C20orf203: variants seen among roughly 807,000 people sequenced by gnomAD.
The protein encoded by C20orf203 is chromosome 20 open reading frame 203.
C20orf203 carries 16 observed loss-of-function variants against 15.9 expected under a neutral mutation model. The ratio of observed to expected loss-of-function variants is 1.01; its 90% CI spans 0.68 to 1.53. The LOEUF (loss-of-function observed/expected upper bound fraction) is 1.53. Ranked by LOEUF, C20orf203 falls within the 40% of genes most tolerant of loss-of-function variation. The pLI, the probability that C20orf203 is intolerant of heterozygous loss-of-function variation, is 0.00. For synonymous variants in C20orf203, 98 were observed against 97.2 expected (o/e 1.01, Z -0.05); for missense variants, 263 against 247.5 (o/e 1.06, Z -0.42).
intron 5 of C20orf203, among the ~76,000 whole-genome samples, chr20:32,636,317 C>G (rs982499485): frequency 6.6e-6 from 1 of 152,184 alleles, no homozygotes; most frequent in Non-Finnish European, 1.5e-5. Context: ...TGCTTTTTCT[C>G]TCTCTCTTTG....
At chr20:32,662,298 A>G (rs1314060402) in intron 1 of C20orf203, among the ~76,000 whole-genome samples, 1 of 152,166 alleles carries the variant, frequency 6.6e-6, no homozygotes, top group Non-Finnish European at 1.5e-5. Flanking sequence ...GGAGCTATAG[A>G]GTTAAAAATA....
At chr20:32,648,533 C>T (rs1206141085) in intron 4 of C20orf203, among the ~76,000 whole-genome samples, 2 of 149,776 alleles carry the variant, frequency 1.3e-5, no homozygotes, top group Non-Finnish European at 3.0e-5. Context: ...CTCCGCCTCC[C>T]AGGTTCACGC....
intron 5 of C20orf203, among the ~76,000 whole-genome samples, chr20:32,639,565 C>T (rs1278496536): frequency 6.7e-6 from 1 of 149,148 alleles, no homozygotes; most frequent in African/African-American, 2.5e-5. Context: ...CGCTTGAGCA[C>T]AGGAGTTTGA....
chr20:32,634,268 A>C lies in C20orf203; in HGVS notation c.*1302T>G. ...AGCTTCCTGGAGAAGGTTATGCTGGAGTCTGGAAAGATAAGAAAGAATTAG... is the reference window on the plus strand; with the variant it reads ...AGCTTCCTGGAGAAGGTTATGCTGGCGTCTGGAAAGATAAGAAAGAATTAG... On this transcript the variant is annotated splice_region_variant and 3_prime_UTR_variant, in exon 6 of 6. Coordinates refer to ENST00000608990, the MANE Select transcript of C20orf203 (RefSeq NM_182584.4). 1 of 398,506 alleles carries C rather than the reference A, an allele frequency of 2.5e-6. No homozygotes were observed. Among genetic ancestry groups the C allele is most frequent in the Non-Finnish European group, 4.4e-6 (1 of 226,070 alleles). 24.7% of individuals were successfully genotyped at this position (398,506 alleles called of 1,614,324 possible). A position where few individuals can be genotyped will look rare whatever the true frequency, so the allele number is the denominator to read the frequency against.
At chr20:32,657,208 G>A (rs1982780937) in intron 1 of C20orf203, 1 of 152,324 alleles carries the variant, frequency 6.6e-6, no homozygotes. Flanking sequence ...AATTAGCTGA[G>A]GCTGGCCATG....
chr20:32,653,491 T>C (rs1339151842), intron 1 of C20orf203, among the ~76,000 whole-genome samples: 1 of 152,138 alleles, frequency 6.6e-6, no homozygotes, highest in East Asian at 1.9e-4. Context: ...CTGGGGTTAC[T>C]GTGTTGGCAA....
intron 5 of C20orf203, among the ~76,000 whole-genome samples, chr20:32,640,236 A>C (rs1486742516): frequency 1.3e-5 from 2 of 152,240 alleles, no homozygotes; most frequent in Non-Finnish European, 2.9e-5. Context: ...GGGCCTTACA[A>C]TTCTTTTCTT....
intron 4 of C20orf203, among the ~76,000 whole-genome samples, chr20:32,646,832 C>G (rs1180609356): frequency 2.0e-5 from 3 of 152,204 alleles, no homozygotes; most frequent in Non-Finnish European, 4.4e-5. Context: ...AGCCAGAGGC[C>G]CCATGCATGC....
intron 1 of C20orf203, among the ~76,000 whole-genome samples, chr20:32,672,346 T>A (rs577540922): frequency 6.7e-6 from 1 of 149,566 alleles, no homozygotes; most frequent in East Asian, 1.9e-4. Context: ...CTCAAAAAAA[T>A]AAAATAAAAT....
chr20:32,672,074 CG>C (rs1983183644), intron 1 of C20orf203, among the ~76,000 whole-genome samples: 1 of 151,706 alleles, frequency 6.6e-6, no homozygotes, highest in Admixed American at 6.6e-5. Context: ...CCCAGCACTC[CG>C]GGAGGCCAAG....
At chr20:32,660,221 C>T (rs1982860028) in intron 1 of C20orf203, among the ~76,000 whole-genome samples, 1 of 152,162 alleles carries the variant, frequency 6.6e-6, no homozygotes, top group Admixed American at 6.5e-5. Flanking sequence ...GGGGGCAGCT[C>T]TCCAGAGGAT....
chr20:32,635,429 G>A (rs1349444163), intron 5 of C20orf203, among the ~76,000 whole-genome samples: 1 of 150,068 alleles, frequency 6.7e-6, no homozygotes, highest in African/African-American at 2.5e-5. Flanking sequence ...CCGGGAGATG[G>A]AGGTTGCAGA....
chr20:32,658,671 G>GA (rs1210400192), intron 1 of C20orf203, among the ~76,000 whole-genome samples: 2 of 152,086 alleles, frequency 1.3e-5, no homozygotes. Flanking sequence ...TCTACAGACA[G>GA]AAAAAACAAT....
chr20:32,641,147 T>A (rs755115640), intron 4 of C20orf203, among the ~76,000 whole-genome samples: 33 of 152,022 alleles, frequency 2.2e-4, no homozygotes, highest in Non-Finnish European at 4.4e-4. Context: ...AGTGAGACCC[T>A]GTCTCTACAA....
chr20:32,673,089 C>G (rs1283527450), intron 1 of C20orf203, among the ~76,000 whole-genome samples: 1 of 152,144 alleles, frequency 6.6e-6, no homozygotes, highest in Non-Finnish European at 1.5e-5. Flanking sequence ...CTGGGCATCT[C>G]TCTGTGTCCC....
chr20:32,644,274 C>A (rs755027763), intron 4 of C20orf203, among the ~76,000 whole-genome samples: 1 of 152,072 alleles, frequency 6.6e-6, no homozygotes, highest in Non-Finnish European at 1.5e-5. Flanking sequence ...ACGGTGAAAC[C>A]CTGTCTCTAC....
At chr20:32,670,149 G>T (rs1303763356) in intron 1 of C20orf203, among the ~76,000 whole-genome samples, 1 of 152,068 alleles carries the variant, frequency 6.6e-6, no homozygotes, top group African/African-American at 2.4e-5. Flanking sequence ...GTCGGAGGTT[G>T]CAATGAGCCG....
intron 1 of C20orf203, among the ~76,000 whole-genome samples, chr20:32,652,630 G>T (rs1982663698): frequency 6.6e-6 from 1 of 151,912 alleles, no homozygotes; most frequent in Non-Finnish European, 1.5e-5. Context: ...AGTCCCGGAT[G>T]CTGTGGTTTT....
intron 1 of C20orf203, among the ~76,000 whole-genome samples, chr20:32,667,230 C>T (rs1385753384): frequency 1.3e-5 from 2 of 152,078 alleles, no homozygotes; most frequent in African/African-American, 4.8e-5. Flanking sequence ...ATTCCAAGAG[C>T]TTCGAGGTCG....
Sources: allele counts gnomAD v4.1 joint callset (sites outside exome capture counted in the v4.1 genomes callset), GRCh38; gene constraint gnomAD v4.1.1; transcripts MANE v1.5; gene names NCBI Gene and HGNC (gene_info 2026-07-23, HGNC 2026-07-21).